CFAP44: variants seen among roughly 807,000 people sequenced by gnomAD.
CFAP44 encodes cilia and flagella associated protein 44, also known as cilia- and flagella-associated protein 44.
CFAP44 carries 134 observed loss-of-function variants against 216.2 expected under a neutral mutation model. That is an observed-to-expected ratio of 0.62 (90% confidence interval 0.54 to 0.72). The LOEUF is 0.72. CFAP44 is among the 30% of genes least tolerant of loss of function. The pLI is 0.00. For synonymous variants in CFAP44, 700 were observed against 727.6 expected (o/e 0.96, Z 0.61); for missense variants, 2,035 against 2,182.1 (o/e 0.93, Z 1.34).
intron 26 of CFAP44, among the ~76,000 whole-genome samples, chr3:113,328,716 A>AAAAAAAAAAAAAAAAAAAAAAG (rs1950213869): frequency 6.9e-6 from 1 of 145,622 alleles, no homozygotes; most frequent in Non-Finnish European, 1.5e-5. Flanking sequence ...AAAAAAAAAA[A>AAAAAAAAAAAAAAAAAAAAAAG]AAAAAAAAAA....
chr3:113,331,877 T>A (rs1950244255), intron 25 of CFAP44, among the ~76,000 whole-genome samples: 1 of 152,220 alleles, frequency 6.6e-6, no homozygotes. Context: ...CATTTATGGA[T>A]TTTGACCATT....
chr3:113,330,924 A>C (rs1950236245), intron 25 of CFAP44, among the ~76,000 whole-genome samples: 1 of 152,092 alleles, frequency 6.6e-6, no homozygotes, highest in Non-Finnish European at 1.5e-5. Context: ...TGTTCCCTCC[A>C]GCTGGCTCGT....
chr3:113,373,306 C>T, intron 18 of CFAP44, 105 bp downstream of exon 18: 1 of 1,120,474 alleles, frequency 8.9e-7, no homozygotes. Flanking sequence ...TTTGAGTACC[C>T]CTTCATTTGG....
At chr3:113,432,401 A>G (rs1198807311) in intron 2 of CFAP44, among the ~76,000 whole-genome samples, 6 of 152,218 alleles carry the variant, frequency 3.9e-5, no homozygotes, top group South Asian at 2.1e-4. Context: ...GTACATGCCC[A>G]TAACTTAAAA....
chr3:113,347,268 T>C (rs949219372), intron 22 of CFAP44, among the ~76,000 whole-genome samples: 1 of 152,214 alleles, frequency 6.6e-6, no homozygotes, highest in Admixed American at 6.5e-5. Flanking sequence ...GCTTTTGGGC[T>C]GAGCCAACGG....
intron 6 of CFAP44, among the ~76,000 whole-genome samples, chr3:113,410,738 G>C (rs1419266452): frequency 6.6e-6 from 1 of 152,140 alleles, no homozygotes; most frequent in Non-Finnish European, 1.5e-5. Context: ...CTTCCACAAT[G>C]GTTGAACTAA....
In CFAP44 at chr3:113,409,212, C is replaced by G; in HGVS notation, c.784G>C (p.Glu262Gln). Residue 262 changes from glutamate to glutamine, a missense_variant, in exon 7 of 35, where the codon GAA becomes CAA. This residue lies in a region of CFAP44 where 1,883 missense variants were observed against 2,023.7 expected (regional missense o/e 0.93). Coordinates refer to ENST00000393845, the MANE Select transcript of CFAP44 (RefSeq NM_001164496.2). ...YTLTIWNWKE[E>Q]QPILRTKAFS... Reference sequence around the variant, plus strand: ...GCTTTTGTCCTTAGTATGGGTTGTTCTTCTTTCCAGTTCCAGATAGTCAGT... The same window carrying G: ...GCTTTTGTCCTTAGTATGGGTTGTTGTTCTTTCCAGTTCCAGATAGTCAGT... 6.2e-7 allele frequency: 1 copy of G among 1,614,054 alleles called. No individual in the cohort carries two copies. Among genetic ancestry groups the G allele is most frequent in the Non-Finnish European group, 8.5e-7 (1 of 1,180,006 alleles).
intron 29 of CFAP44, 119 bp from the exon 30 acceptor site, chr3:113,306,450 G>T: frequency 8.2e-7 from 1 of 1,222,328 alleles, no homozygotes; most frequent in Non-Finnish European, 1.1e-6. Context: ...ACTCTAGCCA[G>T]CTTTTAAGAC....
intron 12 of CFAP44, 101 bp from the exon 13 acceptor site, chr3:113,400,101 A>G: frequency 1.4e-6 from 1 of 730,116 alleles, no homozygotes; most frequent in Non-Finnish European, 2.1e-6. Context: ...GAAATTTCTT[A>G]ACTAAATCAG....
chr3:113,369,945 T>G (rs895540322), intron 18 of CFAP44, among the ~76,000 whole-genome samples: 1 of 152,154 alleles, frequency 6.6e-6, no homozygotes, highest in Non-Finnish European at 1.5e-5. Context: ...GAGAATACTA[T>G]AAACACCTCT....
chr3:113,322,262 C>A lies in CFAP44; in HGVS notation c.4516+4183G>T, dbSNP rs74423749. 5.0e-3 allele frequency among the ~76,000 whole-genome samples: 758 copies of A among 152,222 alleles called. 7 individuals are homozygous for A. The highest frequency in any genetic ancestry group is 0.016 in the African/African-American group (655 of 41,530). On this transcript the variant is annotated intron_variant, in intron 28 of 34. Coordinates refer to ENST00000393845, the MANE Select transcript of CFAP44 (RefSeq NM_001164496.2). ...CTTCAACAAGGTTGACAAAAACATGCAATGGAGAAAGAAGTTCCTATTTGA... is the reference window on the plus strand; with the variant it reads ...CTTCAACAAGGTTGACAAAAACATGAAATGGAGAAAGAAGTTCCTATTTGA...
chr3:113,342,450 C>A (rs371833856), intron 23 of CFAP44, among the ~76,000 whole-genome samples: 172 of 152,202 alleles, frequency 1.1e-3, no homozygotes, highest in African/African-American at 3.9e-3. Context: ...ACATTTTTTG[C>A]TTTTAAAACC....
At chr3:113,315,899 G>C (rs1039780077) in intron 28 of CFAP44, among the ~76,000 whole-genome samples, 10 of 152,212 alleles carry the variant, frequency 6.6e-5, no homozygotes, top group African/African-American at 1.9e-4. Context: ...TGTTTGGTAG[G>C]TTAGGTGTAT....
chr3:113,365,912 C>A, intron 19 of CFAP44, 127 bp downstream of exon 19: 2 of 1,013,890 alleles, frequency 2.0e-6, no homozygotes, highest in Non-Finnish European at 1.4e-6. Flanking sequence ...ATAATAGTAG[C>A]AGGAAGATTA....
At position 113,308,199 on chromosome 3, in the gene CFAP44, T is replaced by G; in HGVS notation, c.4586A>C (p.Glu1529Ala). 1 of 1,536,430 alleles carries G rather than the reference T, an allele frequency of 6.5e-7. No homozygotes were observed. The highest frequency in any genetic ancestry group is 1.4e-5 in the African/African-American group (1 of 73,108). ...ATCATCAAAAACCTCATCTTCTGATTCAGACTCATCTTCATCACTCTCCAA... is the reference window on the plus strand; with the variant it reads ...ATCATCAAAAACCTCATCTTCTGATGCAGACTCATCTTCATCACTCTCCAA... ...SSLESDEDES[E>A]SEDEVFDDSI... The change falls in exon 29 of 35, where the codon GAA becomes GCA. Residue 1529 changes from glutamate to alanine, a missense_variant. This residue lies in a region of CFAP44 where 1,883 missense variants were observed against 2,023.7 expected (regional missense o/e 0.93). Transcript: ENST00000393845.
At chr3:113,305,337 T>C (rs1949975051) in intron 30 of CFAP44, among the ~76,000 whole-genome samples, 185 bp from the exon 31 acceptor site, 1 of 152,232 alleles carries the variant, frequency 6.6e-6, no homozygotes, top group African/African-American at 2.4e-5. Context: ...TGCCAAGTTA[T>C]GATCCACATC....
intron 22 of CFAP44, among the ~76,000 whole-genome samples, chr3:113,356,585 C>G (rs888570904): frequency 2.0e-5 from 3 of 152,092 alleles, no homozygotes; most frequent in African/African-American, 7.2e-5. Context: ...TCACTACAAT[C>G]TAGTAAGGAA....
chr3:113,363,195 G>C lies in CFAP44; in HGVS notation c.2884C>G (p.Leu962Val). The change falls in exon 21 of 35, where the codon CTA becomes GTA. Residue 962 changes from leucine (L) to valine (V), a missense_variant. By Grantham distance (32) the Leu-to-Val change is conservative. Around this residue, in one of 3 missense-constraint regions of CFAP44, gnomAD observed 1,883 missense variants for 2,023.7 expected, o/e 0.93. Coordinates refer to ENST00000393845, the MANE Select transcript of CFAP44 (RefSeq NM_001164496.2). ...GGTAATTTTTCATTCATTTCTAATAGATTACAAAATTCACTCCTCAAAGCT... is the reference window on the plus strand; with the variant it reads ...GGTAATTTTTCATTCATTTCTAATACATTACAAAATTCACTCCTCAAAGCT... ...IKALRSEFCNLLEMNEKLPKH... is the reference protein window; with the variant it reads ...IKALRSEFCNVLEMNEKLPKH... 6.2e-7 allele frequency: 1 copy of C among 1,612,762 alleles called. No individual in the cohort carries two copies. The highest frequency in any genetic ancestry group is 1.1e-5 in the South Asian group (1 of 90,598).
intron 22 of CFAP44, among the ~76,000 whole-genome samples, chr3:113,352,848 A>C (rs1191702836): frequency 2.6e-5 from 4 of 152,190 alleles, no homozygotes; most frequent in African/African-American, 9.6e-5. Flanking sequence ...TTAGATTGGT[A>C]AAGATGAAAA....
Sources: gnomAD v4.1 joint callset for allele counts (sites outside exome capture counted in the v4.1 genomes callset) on GRCh38, gnomAD v4.1.1 for gene constraint, gnomAD v4.1.1 regional missense constraint, MANE v1.5 for transcripts, NCBI Gene and HGNC (gene_info 2026-07-23, HGNC 2026-07-21) for gene names.